ZNF618: variants seen among roughly 807,000 people sequenced by gnomAD.
The protein encoded by ZNF618 is neural precursor cell expressed, developmentally down-regulated 10.
A neutral mutation model predicts 103.0 loss-of-function variants in ZNF618; 34 were observed. That is an observed-to-expected ratio of 0.33 (90% CI 0.25 to 0.44). The LOEUF is 0.44. Among genes scored for constraint, ZNF618 ranks in the 20% least tolerant of loss-of-function variants. The pLI is 1.00. For synonymous variants in ZNF618, 551 were observed against 542.2 expected (o/e 1.02, Z -0.23); for missense variants, 1,059 against 1,295.4 (o/e 0.82, Z 2.80).
intron 1 of ZNF618, among the ~76,000 whole-genome samples, chr9:113,963,036 A>G (rs1837014044): frequency 6.6e-6 from 1 of 152,156 alleles, no homozygotes; most frequent in Non-Finnish European, 1.5e-5. Flanking sequence ...TCAGTGGAGG[A>G]GACAGAAAGT....
At chr9:114,044,361 G>A (rs1462206315) in intron 13 of ZNF618, among the ~76,000 whole-genome samples, 4 of 151,840 alleles carry the variant, frequency 2.6e-5, no homozygotes, top group Non-Finnish European at 4.4e-5. Flanking sequence ...CTGTATTTGG[G>A]TTTATTTCTG....
At chr9:113,931,691 G>A (rs970776871) in intron 1 of ZNF618, among the ~76,000 whole-genome samples, 10 of 152,174 alleles carry the variant, frequency 6.6e-5, no homozygotes, top group South Asian at 2.1e-4. Flanking sequence ...TGTAAAATAC[G>A]TACCACATTC....
At chr9:113,952,010 C>G (rs1203442860) in intron 1 of ZNF618, among the ~76,000 whole-genome samples, 2 of 152,134 alleles carry the variant, frequency 1.3e-5, no homozygotes, top group African/African-American at 4.8e-5. Flanking sequence ...CATTTGGTGC[C>G]AGGTATTCCG....
At chr9:113,884,772 CACAGAG>C (rs1391788530) in intron 1 of ZNF618, among the ~76,000 whole-genome samples, 2 of 114,558 alleles carry the variant, frequency 1.7e-5, no homozygotes, top group East Asian at 2.5e-4. Flanking sequence ...GACACAAACA[CACAGAG>C]AGAGAGAGAG....
intron 1 of ZNF618, among the ~76,000 whole-genome samples, chr9:113,892,006 A>G (rs1409761020): frequency 1.3e-5 from 2 of 152,186 alleles, no homozygotes; most frequent in Admixed American, 1.3e-4. Context: ...TCCCACTCAT[A>G]AGAGAAATTG....
intron 13 of ZNF618, among the ~76,000 whole-genome samples, chr9:114,046,936 C>T (rs1845707318): frequency 6.6e-6 from 1 of 152,162 alleles, no homozygotes; most frequent in South Asian, 2.1e-4. Flanking sequence ...TATTACATCA[C>T]AGGATCACAA....
At chr9:113,947,112 AGAG>A (rs2132187851) in intron 1 of ZNF618, among the ~76,000 whole-genome samples, 2 of 152,276 alleles carry the variant, frequency 1.3e-5, no homozygotes, top group African/African-American at 4.8e-5. Context: ...AGCCTGCTGC[AGAG>A]GAGGGGCTCA....
chr9:113,960,399 A>G (rs1836733431), intron 1 of ZNF618, among the ~76,000 whole-genome samples: 1 of 152,206 alleles, frequency 6.6e-6, no homozygotes, highest in African/African-American at 2.4e-5. Flanking sequence ...CTGACTGTTG[A>G]CAGTGATGTC....
At chr9:113,996,656 T>G (rs1241090657) in intron 3 of ZNF618, among the ~76,000 whole-genome samples, 1 of 152,100 alleles carries the variant, frequency 6.6e-6, no homozygotes, top group Non-Finnish European at 1.5e-5. Flanking sequence ...GCATCACTTG[T>G]GATAGCAGGA....
chr9:114,009,964 G>T (rs902790558), intron 9 of ZNF618, among the ~76,000 whole-genome samples: 4 of 152,206 alleles, frequency 2.6e-5, no homozygotes, highest in African/African-American at 9.7e-5. Flanking sequence ...GCACAGTGCT[G>T]TCACATGCAT....
At chr9:113,886,066 A>C (rs1829040403) in intron 1 of ZNF618, among the ~76,000 whole-genome samples, 1 of 152,164 alleles carries the variant, frequency 6.6e-6, no homozygotes. Context: ...GTGAGGACCC[A>C]GGGAGGAATG....
At chr9:113,910,895 A>G (rs1001008473) in intron 1 of ZNF618, among the ~76,000 whole-genome samples, 6 of 151,956 alleles carry the variant, frequency 3.9e-5, no homozygotes, top group African/African-American at 9.7e-5. Flanking sequence ...CAGTGGCACA[A>G]TCTCAGCTCA....
chr9:114,006,345 C>T (rs1841754938), intron 6 of ZNF618, among the ~76,000 whole-genome samples: 1 of 152,202 alleles, frequency 6.6e-6, no homozygotes, highest in African/African-American at 2.4e-5. Context: ...GCTCTCCCTT[C>T]CCCTCCCCAC....
chr9:113,980,130 T>C (rs970448603), intron 2 of ZNF618, among the ~76,000 whole-genome samples: 1 of 152,000 alleles, frequency 6.6e-6, no homozygotes, highest in African/African-American at 2.4e-5. Context: ...AGTTCTAGAG[T>C]CTGGGCAGCA....
Position 114,007,413 on chromosome 9 carries a change from A to T in ZNF618, c.614A>T (p.Glu205Val). 6.2e-7 allele frequency: 1 copy of T among 1,613,730 alleles called. No homozygotes were observed. Among genetic ancestry groups the T allele is most frequent in the Non-Finnish European group, 8.5e-7 (1 of 1,179,854 alleles). The change falls in exon 7 of 15, where the codon GAG becomes GTG. Residue 205 changes from glutamate (E) to valine (V), a missense_variant. By Grantham distance (121) the Glu-to-Val change is moderately radical (BLOSUM62 -2). Transcript: ENST00000374126. ...TACAAATACTACAGCTGTTTCCAAG[A>T]GCACCGAGACCTGCACGCAGTGGAT... ...KKYKYYSCFQ[E>V]HRDLHAVDVF...
intron 1 of ZNF618, among the ~76,000 whole-genome samples, chr9:113,913,883 T>C (rs1311498776): frequency 6.6e-6 from 1 of 152,158 alleles, no homozygotes; most frequent in African/African-American, 2.4e-5. Context: ...GGCTGTATGC[T>C]CCACGGGGAC....
At chr9:113,931,676 G>GT in intron 1 of ZNF618, among the ~76,000 whole-genome samples, 1 of 152,308 alleles carries the variant, frequency 6.6e-6, no homozygotes, top group Non-Finnish European at 1.5e-5. Context: ...GAGATGTGCT[G>GT]TAAGTGTAAA....
intron 1 of ZNF618, among the ~76,000 whole-genome samples, chr9:113,897,101 CAG>C (rs902079948): frequency 1.3e-5 from 2 of 152,282 alleles, no homozygotes; most frequent in East Asian, 3.9e-4. Context: ...CTTAAAAACT[CAG>C]AGTCTTGAGA....
At chr9:113,906,420 A>G (rs2150015) in intron 1 of ZNF618, among the ~76,000 whole-genome samples, 151,762 of 152,296 alleles carry the variant, frequency 1, 75,616 homozygotes, top group Middle Eastern at 1. Flanking sequence ...TGCTATAGTC[A>G]GGTTGTAGGG....
Sources: gnomAD v4.1 joint callset for allele counts (sites outside exome capture counted in the v4.1 genomes callset) on GRCh38, gnomAD v4.1.1 for gene constraint, MANE v1.5 for transcripts, NCBI Gene and HGNC (gene_info 2026-07-23, HGNC 2026-07-21) for gene names.